SEMA3A: variants seen among roughly 807,000 people sequenced by gnomAD.
SEMA3A encodes semaphorin-3A.
In SEMA3A, 29 loss-of-function variants were observed where a neutral mutation model predicts 97.9. That is an observed-to-expected ratio of 0.30 (90% CI 0.22 to 0.40). The LOEUF (loss-of-function observed/expected upper bound fraction) is 0.40. Ranked by LOEUF, SEMA3A falls within the 10% of genes least tolerant of loss-of-function variation. The probability of loss-of-function intolerance (pLI) is 1.00; values close to 1 mark genes in which losing one functional copy is unlikely to be tolerated. For synonymous variants in SEMA3A, 321 were observed against 323.7 expected (o/e 0.99, Z 0.09); for missense variants, 763 against 951.3 (o/e 0.80, Z 2.60).
At chr7:84,133,548 T>A (rs1303274971) in intron 2 of SEMA3A, among the ~76,000 whole-genome samples, 7 of 152,256 alleles carry the variant, frequency 4.6e-5, no homozygotes, top group Non-Finnish European at 8.8e-5. Context: ...GTAAAACTAA[T>A]ACAAATAGAA....
chr7:84,395,830 T>C (rs1803717402), intron 1 of SEMA3A, among the ~76,000 whole-genome samples: 1 of 152,138 alleles, frequency 6.6e-6, no homozygotes, highest in Admixed American at 6.6e-5. Flanking sequence ...CCTCTTTTCT[T>C]TATATGTTAC....
chr7:84,456,988 T>C (rs553515292), intron 1 of SEMA3A, among the ~76,000 whole-genome samples: 2 of 151,832 alleles, frequency 1.3e-5, no homozygotes, highest in Admixed American at 6.6e-5. Context: ...GGTTTTCAGA[T>C]AGCAAGCATA....
intron 2 of SEMA3A, among the ~76,000 whole-genome samples, chr7:84,365,977 T>C (rs1802838415): frequency 6.6e-6 from 1 of 151,368 alleles, no homozygotes; most frequent in Non-Finnish European, 1.5e-5. Context: ...AAACATAAAC[T>C]AAAAAAAGTG....
rs553164452 is a variant in SEMA3A at position 84,228,825 on chromosome 7, A to T, written c.-82-34157T>A. On this transcript the variant is annotated intron_variant, in intron 3 of 3. Transcript: ENST00000424555. ...ATTCTGTAAACACTTCTTCCCTTCC[A>T]CTCCTTTAAGTCCTATGGTTGATCA... Among the ~76,000 whole-genome samples the T allele has an allele frequency of 2.0e-5, 3 of 151,654 alleles. No individual in the cohort carries two copies. In the South Asian group the frequency reaches 6.3e-4, roughly 32 times the overall value.
chr7:84,390,068 G>A (rs988778420), intron 1 of SEMA3A, among the ~76,000 whole-genome samples: 4 of 151,836 alleles, frequency 2.6e-5, no homozygotes, highest in Non-Finnish European at 4.4e-5. Flanking sequence ...TATTAAACTC[G>A]GTTTGTTATG....
chr7:84,478,522 C>T (rs1379211924), intron 1 of SEMA3A, among the ~76,000 whole-genome samples: 1 of 151,820 alleles, frequency 6.6e-6, no homozygotes, highest in Non-Finnish European at 1.5e-5. Flanking sequence ...AATATATTAA[C>T]ATGAAATTTT....
At position 84,026,866 on chromosome 7, in the gene SEMA3A, G is replaced by A. The variant is rs187713474; in HGVS notation, c.668-12515C>T. 4.2e-3 allele frequency among the ~76,000 whole-genome samples: 643 copies of A among 152,148 alleles called. 6 individuals are homozygous for A. Among genetic ancestry groups the A allele is most frequent in the South Asian group, 0.015 (73 of 4,814 alleles). On this transcript the variant is annotated intron_variant, in intron 6 of 16. Transcript: ENST00000265362. ...CTTGAGGGTGGAGGGTGGGAAAAGGGAGAGAAGCAGAAAAAAATAACTATT... is the reference window on the plus strand; with the variant it reads ...CTTGAGGGTGGAGGGTGGGAAAAGGAAGAGAAGCAGAAAAAAATAACTATT...
intron 3 of SEMA3A, among the ~76,000 whole-genome samples, chr7:84,295,514 A>C (rs539021883): frequency 6.6e-6 from 1 of 152,088 alleles, no homozygotes; most frequent in African/African-American, 2.4e-5. Flanking sequence ...TTAGGTTTCC[A>C]TAACTAGGCT....
intron 1 of SEMA3A, among the ~76,000 whole-genome samples, chr7:84,481,411 A>G (rs771642929): frequency 6.6e-6 from 1 of 152,188 alleles, no homozygotes; most frequent in Non-Finnish European, 1.5e-5. Flanking sequence ...TGCTTTAAGT[A>G]TATTATTCAT....
chr7:84,331,584 T>C (rs902125394), intron 2 of SEMA3A, among the ~76,000 whole-genome samples: 4 of 152,206 alleles, frequency 2.6e-5, no homozygotes, highest in Admixed American at 1.3e-4. Flanking sequence ...TTTCCAACTA[T>C]GGTTTGATGT....
intron 3 of SEMA3A, among the ~76,000 whole-genome samples, chr7:84,224,846 T>C (rs529334265): frequency 2.0e-5 from 3 of 152,010 alleles, no homozygotes; most frequent in Non-Finnish European, 2.9e-5. Flanking sequence ...GTTAACTGAT[T>C]CATTGGTTTT....
chr7:84,008,343 T>A (rs1450636592), intron 9 of SEMA3A, among the ~76,000 whole-genome samples: 2 of 151,786 alleles, frequency 1.3e-5, no homozygotes, highest in African/African-American at 4.8e-5. Context: ...TACAAAAAAT[T>A]AGCCAGGTGT....
rs111326666 is a variant in SEMA3A, at chr7:84,069,916, G to A, written c.454-9358C>T. Among the ~76,000 whole-genome samples the A allele has an allele frequency of 4.1e-3, 624 of 152,158 alleles. 6 individuals carry two copies. Among genetic ancestry groups the A allele is most frequent in the African/African-American group, 0.014 (590 of 41,536 alleles). On this transcript the variant is annotated intron_variant, in intron 4 of 16. Transcript: ENST00000265362. ...GAACGAACAGTGTTAATATAATTGC[G>A]TATTAACACCCTATGTTATCATATG... is the stretch of plus-strand genomic sequence containing the variant.
At chr7:84,441,573 C>T (rs1332761156) in intron 1 of SEMA3A, among the ~76,000 whole-genome samples, 3 of 151,538 alleles carry the variant, frequency 2.0e-5, no homozygotes, top group African/African-American at 7.3e-5. Flanking sequence ...TCAGGCAGAC[C>T]AACATACAGA....
intron 15 of SEMA3A, among the ~76,000 whole-genome samples, chr7:83,968,798 T>C (rs868172754): frequency 1.4e-4 from 21 of 148,692 alleles, no homozygotes; most frequent in Middle Eastern, 3.4e-3. Flanking sequence ...TCTTTTCTTT[T>C]CTTTCCTTTT....
At chr7:84,390,968 A>G (rs780729705) in intron 1 of SEMA3A, among the ~76,000 whole-genome samples, 2 of 152,170 alleles carry the variant, frequency 1.3e-5, no homozygotes, top group Non-Finnish European at 2.9e-5. Context: ...AGAAAAGTAC[A>G]TATGGTTTTG....
chr7:84,046,786 C>T (rs889478263), intron 5 of SEMA3A, among the ~76,000 whole-genome samples: 9 of 151,976 alleles, frequency 5.9e-5, no homozygotes, highest in South Asian at 2.1e-4. Context: ...ATGGAAACTA[C>T]ATTTATCATA....
chr7:84,413,398 C>G (rs920210112), intron 1 of SEMA3A, among the ~76,000 whole-genome samples: 5 of 152,050 alleles, frequency 3.3e-5, no homozygotes, highest in Non-Finnish European at 5.9e-5. Flanking sequence ...GAGGCTGAGT[C>G]AGGAGGATTG....
chr7:84,212,002 G>A (rs150407995), intron 3 of SEMA3A, among the ~76,000 whole-genome samples: 58 of 152,258 alleles, frequency 3.8e-4, no homozygotes, highest in Admixed American at 1.3e-3. Flanking sequence ...GCATATCCAC[G>A]TAGAAACTGT....
Sources: gnomAD v4.1 joint callset for allele counts (sites outside exome capture counted in the v4.1 genomes callset) on GRCh38, gnomAD v4.1.1 for gene constraint, MANE v1.5 for transcripts, NCBI Gene and HGNC (gene_info 2026-07-23, HGNC 2026-07-21) for gene names.